The following ARNT2 variants were observed in gnomAD, a reference collection of about 807,000 sequenced individuals.
The protein encoded by ARNT2 is aryl hydrocarbon receptor nuclear translocator 2.
A neutral mutation model predicts 91.7 loss-of-function variants in ARNT2; 36 were observed. The observed-to-expected ratio is 0.39, with a 90% CI of 0.30 to 0.52. The LOEUF (loss-of-function observed/expected upper bound fraction) is 0.52, where lower values mean the gene tolerates loss of function less well. Ranked by LOEUF, ARNT2 falls within the 20% of genes least tolerant of loss-of-function variation. The probability of loss-of-function intolerance (pLI) is 0.72; values close to 1 mark genes in which losing one functional copy is unlikely to be tolerated. For missense variants in ARNT2, 775 were observed against 939.3 expected, an observed-to-expected ratio of 0.83 and a Z score of 2.29; for synonymous variants, 365 against 347.1, an observed-to-expected ratio of 1.05 and a Z score of -0.57.
At chr15:80,526,597 A>C (rs557489277) in intron 8 of ARNT2, among the ~76,000 whole-genome samples, 84 of 152,350 alleles carry the variant, frequency 5.5e-4, no homozygotes, top group African/African-American at 1.9e-3. Flanking sequence ...GACCCAGAGC[A>C]GGTGAACTCC....
chr15:80,571,133 G>A (rs1898576867), intron 12 of ARNT2, among the ~76,000 whole-genome samples: 1 of 152,194 alleles, frequency 6.6e-6, no homozygotes, highest in South Asian at 2.1e-4. Flanking sequence ...GTTATAGGGA[G>A]GTACATTTCA....
At chr15:80,593,208 A>G (rs1246884638) in intron 18 of ARNT2, among the ~76,000 whole-genome samples, 1 of 152,190 alleles carries the variant, frequency 6.6e-6, no homozygotes, top group East Asian at 1.9e-4. Flanking sequence ...CTCCACATAC[A>G]TCTTCCTTCC....
intron 1 of ARNT2, among the ~76,000 whole-genome samples, chr15:80,432,553 G>A (rs1186213772): frequency 6.6e-6 from 1 of 152,098 alleles, no homozygotes; most frequent in Admixed American, 6.5e-5. Flanking sequence ...TACCATAACT[G>A]CAGCGTTGAG....
Position 80,404,690 on chromosome 15 carries a change from C to A in ARNT2, c.31+144C>A, listed in dbSNP as rs1387933220. 30 of 412,154 alleles carry A rather than the reference C, an allele frequency of 7.3e-5. No individual in the cohort carries two copies. Among genetic ancestry groups the A allele is most frequent in the Non-Finnish European group, 9.2e-5 (28 of 303,208 alleles). 25.5% of individuals were successfully genotyped at this position (412,154 alleles called of 1,614,324 possible). On this transcript the variant is annotated intron_variant, in intron 1 of 18. Transcript: ENST00000303329. This position sits in a 1 kb window ranked among gnomAD's most constrained non-coding sequence, Gnocchi z 5.5. ...TGGTGGAGCGGCTGTCACTACGCGG[C>A]AGCCGCAGCATCAGCACCAGAGCGG...
chr15:80,514,849 G>A (rs1329687263), intron 8 of ARNT2, among the ~76,000 whole-genome samples: 1 of 152,088 alleles, frequency 6.6e-6, no homozygotes, highest in Non-Finnish European at 1.5e-5. Flanking sequence ...TTTCGCCACT[G>A]TATTCCAGCC....
chr15:80,559,662 C>T (rs761416408), intron 11 of ARNT2, among the ~76,000 whole-genome samples: 1 of 152,132 alleles, frequency 6.6e-6, no homozygotes, highest in Non-Finnish European at 1.5e-5. Context: ...GGAAACTTGC[C>T]TCTGCTCTTG....
At chr15:80,410,221 G>A (rs925232264) in intron 1 of ARNT2, among the ~76,000 whole-genome samples, 3 of 152,192 alleles carry the variant, frequency 2.0e-5, no homozygotes, top group African/African-American at 7.2e-5. Context: ...GGGCAGGGAT[G>A]CCATGCTGAA....
chr15:80,432,854 C>T (rs1197071313), intron 1 of ARNT2, among the ~76,000 whole-genome samples: 1 of 152,106 alleles, frequency 6.6e-6, no homozygotes, highest in African/African-American at 2.4e-5. Flanking sequence ...GTATTGGAGT[C>T]CCAAGCATAA....
chr15:80,410,017 A>G (rs1008242439), intron 1 of ARNT2, among the ~76,000 whole-genome samples: 1 of 152,178 alleles, frequency 6.6e-6, no homozygotes, highest in African/African-American at 2.4e-5. Context: ...AAAGCGCTGG[A>G]AATCTACTGA....
At chr15:80,578,892 G>A (rs1385278617) in intron 15 of ARNT2, among the ~76,000 whole-genome samples, 2 of 152,232 alleles carry the variant, frequency 1.3e-5, no homozygotes, top group Non-Finnish European at 2.9e-5. Context: ...GGATGGGGTA[G>A]GCTGTGGGAT....
chr15:80,431,933 G>A (rs537393367), intron 1 of ARNT2, among the ~76,000 whole-genome samples: 2 of 152,310 alleles, frequency 1.3e-5, no homozygotes, highest in Admixed American at 6.5e-5. Flanking sequence ...TGAAGCAACC[G>A]GCCATTCTGG....
intron 17 of ARNT2, among the ~76,000 whole-genome samples, chr15:80,583,491 A>T (rs558954649): frequency 6.6e-6 from 1 of 152,336 alleles, no homozygotes; most frequent in African/African-American, 2.4e-5. Context: ...CTCAACACAG[A>T]TGGGGCTCCA....
intron 5 of ARNT2, among the ~76,000 whole-genome samples, chr15:80,499,260 C>T (rs74029836): frequency 0.012 from 1,806 of 152,304 alleles, 40 homozygotes; most frequent in African/African-American, 0.042. Flanking sequence ...CCCTTCTCCC[C>T]GCTGCATCTT....
intron 9 of ARNT2, 21 bp from the exon 10 acceptor site, chr15:80,552,619 T>C (rs1898101048): frequency 6.2e-7 from 1 of 1,612,644 alleles, no homozygotes; most frequent in Admixed American, 1.7e-5. Flanking sequence ...CCACCTCAAC[T>C]GTGGATTTTC....
chr15:80,415,876 G>T (rs565603700), intron 1 of ARNT2, among the ~76,000 whole-genome samples: 30 of 152,182 alleles, frequency 2.0e-4, no homozygotes, highest in African/African-American at 7.0e-4. Flanking sequence ...GGAAGATCAG[G>T]CGTTTGGTTG....
intron 17 of ARNT2, among the ~76,000 whole-genome samples, chr15:80,589,573 C>T (rs1464711417): frequency 4.6e-5 from 7 of 152,198 alleles, no homozygotes; most frequent in African/African-American, 1.7e-4. Context: ...CTATGTCCCT[C>T]CACCCTTCTG....
chr15:80,558,852 C>T (rs1040773659), intron 11 of ARNT2, among the ~76,000 whole-genome samples: 3 of 152,268 alleles, frequency 2.0e-5, no homozygotes, highest in South Asian at 2.1e-4. Flanking sequence ...AACTTTGCAT[C>T]GTTTAGCAGT....
intron 2 of ARNT2, among the ~76,000 whole-genome samples, chr15:80,452,883 C>T (rs1896421196): frequency 1.3e-5 from 2 of 152,206 alleles, no homozygotes. Flanking sequence ...TGTCCACACC[C>T]TGATTTGTGG....
At chr15:80,528,999 C>T (rs1897691977) in intron 8 of ARNT2, among the ~76,000 whole-genome samples, 1 of 152,096 alleles carries the variant, frequency 6.6e-6, no homozygotes. Flanking sequence ...TCACTGGTTT[C>T]ATTGCTTACC....
Sources: allele counts gnomAD v4.1 joint callset (sites outside exome capture counted in the v4.1 genomes callset), GRCh38; gene constraint gnomAD v4.1.1; non-coding constraint Gnocchi (gnomAD v3.1); transcripts MANE v1.5; gene names NCBI Gene and HGNC (gene_info 2026-07-23, HGNC 2026-07-21).